CUTC: variants seen among roughly 807,000 people sequenced by gnomAD.
CUTC encodes copper homeostasis protein cutC homolog.
In CUTC, 27 loss-of-function variants were observed where a neutral mutation model predicts 36.2. That is an observed-to-expected ratio of 0.75 (90% CI 0.55 to 1.03). CUTC has a LOEUF of 1.03. CUTC is among the 50% of genes least tolerant of loss of function. The pLI is 0.00. For missense variants in CUTC, 315 were observed against 343.5 expected, an observed-to-expected ratio of 0.92 and a Z score of 0.66; for synonymous variants, 114 against 118.3, an observed-to-expected ratio of 0.96 and a Z score of 0.24.
At chr10:99,755,389 AAAAAAAAGG>A (rs1402882652) in intron 8 of CUTC, among the ~76,000 whole-genome samples, 1 of 151,422 alleles carries the variant, frequency 6.6e-6, no homozygotes, top group Non-Finnish European at 1.5e-5. Context: ...GGAAAAAAAA[AAAAAAAAGG>A]AAGCAAGAGC....
At position 99,755,792 on chromosome 10, in the gene CUTC, C is replaced by A; in HGVS notation, c.*53C>A. Reference sequence around the variant, plus strand: ...CACAGGATGAAGGTAGAACTATAATCTGCAATTCTCTATGACACAGCTTTA... The same window carrying A: ...CACAGGATGAAGGTAGAACTATAATATGCAATTCTCTATGACACAGCTTTA... On this transcript the variant is annotated 3_prime_UTR_variant, in exon 9 of 9. Coordinates refer to ENST00000370476, the MANE Select transcript of CUTC (RefSeq NM_015960.3). 8.7e-7 allele frequency: 1 copy of A among 1,153,698 alleles called. No individual in the cohort carries two copies. 71.5% of individuals were successfully genotyped at this position (1,153,698 alleles called of 1,614,324 possible).
At chr10:99,743,501 A>G (rs2037355375) in intron 4 of CUTC, 139 bp downstream of exon 4, 1 of 746,918 alleles carries the variant, frequency 1.3e-6, no homozygotes. Flanking sequence ...TTCAAATAGT[A>G]GTTATTTAGA....
At chr10:99,743,077 G>T in intron 3 of CUTC, 76 bp from the exon 4 acceptor site, 1 of 1,407,608 alleles carries the variant, frequency 7.1e-7, no homozygotes, top group South Asian at 1.2e-5. Context: ...AGCCATCTTT[G>T]TCTGGTAAAT....
rs966853095 is a variant in CUTC at position 99,732,716 on chromosome 10, G to T, written c.61+307G>T. On this transcript the variant is annotated intron_variant, in intron 1 of 8. Transcript: ENST00000370476. ...GTTTTTTCCGTCGCCACACGAGGAT[G>T]CCAGTACCGCCCGCACCAGCAGCCA... is the stretch of plus-strand genomic sequence containing the variant. 6 of 660,376 alleles carry T rather than the reference G, an allele frequency of 9.1e-6. No homozygotes were observed. The Admixed American group carries it at 3.2e-4, about 35-fold the overall frequency. 40.9% of individuals were successfully genotyped at this position (660,376 alleles called of 1,614,324 possible). A position where few individuals can be genotyped will look rare whatever the true frequency, so the allele number is the denominator to read the frequency against.
chr10:99,737,616 A>C (rs1315718833), intron 2 of CUTC, among the ~76,000 whole-genome samples: 1 of 152,180 alleles, frequency 6.6e-6, no homozygotes, highest in East Asian at 1.9e-4. Context: ...TACACTTTTA[A>C]ATGGGTGAAT....
In CUTC at chr10:99,732,424, G is replaced by T. The variant is rs574615451; in HGVS notation, c.61+15G>T. The stretch of plus-strand genomic sequence containing the variant: ...CGGGAAGGCCGGTGCGGAAGGTGGC[G>T]GGGGAGGGGACGGTCGGCCGAAGGC... On this transcript the variant is annotated intron_variant, in intron 1 of 8. Transcript: ENST00000370476. The T allele has an allele frequency of 3.2e-6, 5 of 1,550,086 alleles. No individual in the cohort carries two copies. The Admixed American group carries it at 5.9e-5, about 18-fold the overall frequency.
Position 99,747,406 on chromosome 10 carries a change from C to T in CUTC, c.573+16C>T. The T allele has an allele frequency of 6.2e-7, 1 of 1,613,692 alleles. No homozygotes were observed. The highest frequency in any genetic ancestry group is 8.5e-7 in the Non-Finnish European group (1 of 1,179,780). On this transcript the variant is annotated intron_variant, in intron 6 of 8. Coordinates refer to ENST00000370476, the MANE Select transcript of CUTC (RefSeq NM_015960.3). ...CATTGAGCAGGTACGTGGACTTTATCTTTTTTTCCCCTAAGACTCTGTTGT... is the reference window on the plus strand; with the variant it reads ...CATTGAGCAGGTACGTGGACTTTATTTTTTTTTCCCCTAAGACTCTGTTGT...
chr10:99,742,972 C>A (rs2037351511), intron 3 of CUTC, among the ~76,000 whole-genome samples, 181 bp from the exon 4 acceptor site: 1 of 152,178 alleles, frequency 6.6e-6, no homozygotes, highest in Non-Finnish European at 1.5e-5. Context: ...ATTGTAGCAT[C>A]TTCTGTTTTC....
intron 2 of CUTC, among the ~76,000 whole-genome samples, chr10:99,736,708 CA>C (rs1246917659): frequency 1.3e-5 from 2 of 151,996 alleles, no homozygotes; most frequent in Non-Finnish European, 2.9e-5. Flanking sequence ...TAATGGGAAG[CA>C]CAGACATTTC....
chr10:99,738,132 C>T (rs1449986060), intron 2 of CUTC, among the ~76,000 whole-genome samples: 1 of 145,866 alleles, frequency 6.9e-6, no homozygotes, highest in Non-Finnish European at 1.5e-5. Flanking sequence ...GCAATAAGAG[C>T]AAAACTCCGT....
chr10:99,738,389 G>GGTGTGTGTGTGTGTGT (rs10693937), intron 2 of CUTC, among the ~76,000 whole-genome samples: 1 of 142,862 alleles, frequency 7.0e-6, no homozygotes, highest in Non-Finnish European at 1.5e-5. Context: ...ACTCATACAG[G>GGTGTGTGTGTGTGTGT]GTGTGTGTGT....
At chr10:99,742,535 A>G (rs2037348994) in intron 3 of CUTC, among the ~76,000 whole-genome samples, 1 of 152,172 alleles carries the variant, frequency 6.6e-6, no homozygotes, top group African/African-American at 2.4e-5. Flanking sequence ...TTAGCAAGAA[A>G]AAAGAAAGAA....
chr10:99,733,057 A>AT (rs925015109), intron 1 of CUTC, among the ~76,000 whole-genome samples: 48 of 151,944 alleles, frequency 3.2e-4, no homozygotes, highest in African/African-American at 9.2e-4. Flanking sequence ...ATTAAAACAA[A>AT]TTTTTTTTTG....
intron 5 of CUTC, among the ~76,000 whole-genome samples, chr10:99,744,898 G>A (rs1267530826): frequency 6.6e-6 from 1 of 152,076 alleles, no homozygotes; most frequent in Admixed American, 6.6e-5. Context: ...GATTACAGGC[G>A]CCTGCCACCA....
At chr10:99,737,707 C>G (rs1405474015) in intron 2 of CUTC, among the ~76,000 whole-genome samples, 1 of 152,120 alleles carries the variant, frequency 6.6e-6, no homozygotes, top group Non-Finnish European at 1.5e-5. Flanking sequence ...AGGCCATAGC[C>G]AAAACAAGCT....
chr10:99,734,630 A>AT (rs1366903110), intron 1 of CUTC, among the ~76,000 whole-genome samples: 2 of 152,126 alleles, frequency 1.3e-5, no homozygotes, highest in Admixed American at 6.5e-5. Context: ...TGTTTCGTTC[A>AT]TTTTTTTAAA....
chr10:99,755,527 C>G (rs2133682812), intron 8 of CUTC, 98 bp from the exon 9 acceptor site: 1 of 727,348 alleles, frequency 1.4e-6, no homozygotes, highest in East Asian at 2.7e-5. Flanking sequence ...GCATACTTGA[C>G]CTACCCTTGT....
chr10:99,738,389 G>GGCGT (rs148974907), intron 2 of CUTC, among the ~76,000 whole-genome samples: 2 of 142,862 alleles, frequency 1.4e-5, no homozygotes, highest in African/African-American at 5.2e-5. Context: ...ACTCATACAG[G>GGCGT]GTGTGTGTGT....
At chr10:99,749,762 TTTA>T (rs2037402873) in intron 6 of CUTC, among the ~76,000 whole-genome samples, 1 of 152,158 alleles carries the variant, frequency 6.6e-6, no homozygotes, top group Non-Finnish European at 1.5e-5. Context: ...TCTTGTTAAC[TTTA>T]TTTTTTGCTT....
Sources: allele counts gnomAD v4.1 joint callset (sites outside exome capture counted in the v4.1 genomes callset), GRCh38; gene constraint gnomAD v4.1.1; transcripts MANE v1.5; gene names NCBI Gene and HGNC (gene_info 2026-07-23, HGNC 2026-07-21).